KIAA1549L: variants seen among roughly 807,000 people sequenced by gnomAD.
KIAA1549L encodes the protein UPF0606 protein KIAA1549L.
A neutral mutation model predicts 160.7 loss-of-function variants in KIAA1549L; 88 were observed. That is an observed-to-expected ratio of 0.55 (90% CI 0.46 to 0.65). The LOEUF is 0.65. Ranked by LOEUF, KIAA1549L falls within the 30% of genes least tolerant of loss-of-function variation. The pLI, the probability that KIAA1549L is intolerant of heterozygous loss-of-function variation, is 0.00. For missense variants in KIAA1549L, 2,258 were observed against 2,437.5 expected (o/e 0.93, Z 1.55); for synonymous variants, 950 against 976.7 (o/e 0.97, Z 0.51).
At chr11:33,564,281 C>T (rs186350326) in intron 8 of KIAA1549L, among the ~76,000 whole-genome samples, 1 of 152,338 alleles carries the variant, frequency 6.6e-6, no homozygotes, top group Admixed American at 6.5e-5. Flanking sequence ...TCAGCCTTTA[C>T]TCCCAGACAT....
At chr11:33,422,129 C>G (rs1851024958) in intron 1 of KIAA1549L, among the ~76,000 whole-genome samples, 2 of 152,112 alleles carry the variant, frequency 1.3e-5, no homozygotes, top group South Asian at 2.1e-4. Flanking sequence ...CTCCATGCCC[C>G]TTTACTACTG....
intron 17 of KIAA1549L, among the ~76,000 whole-genome samples, chr11:33,651,699 A>G (rs539386777): frequency 1.1e-4 from 17 of 152,114 alleles, no homozygotes; most frequent in Non-Finnish European, 2.4e-4. Flanking sequence ...GTAAATGCAC[A>G]TGCACAGAAG....
chr11:33,646,834 T>A (rs764822113), intron 17 of KIAA1549L, among the ~76,000 whole-genome samples: 1 of 152,074 alleles, frequency 6.6e-6, no homozygotes, highest in African/African-American at 2.4e-5. Context: ...TTTGCCTCCC[T>A]GAACACAGTT....
intron 1 of KIAA1549L, among the ~76,000 whole-genome samples, chr11:33,476,839 C>T (rs75954793): frequency 0.029 from 4,434 of 152,338 alleles, 124 homozygotes; most frequent in South Asian, 0.09. Flanking sequence ...TGCTTTTTCA[C>T]AAAACCTATT....
Position 33,557,350 on chromosome 11 carries a change from GT to G in KIAA1549L, c.3856-2386del, listed in dbSNP as rs879544088. On this transcript the variant is annotated intron_variant, in intron 6 of 20. Transcript: ENST00000658780. Reference sequence around the variant, plus strand: ...TCACAATAGAGATAAAGATTGAAAAGTTTTTTTTTTTTTAGTTATTATTTTT... The same window carrying G: ...TCACAATAGAGATAAAGATTGAAAAGTTTTTTTTTTTTAGTTATTATTTTT... Among the ~76,000 whole-genome samples, 57 of 144,820 alleles carry G rather than the reference GT, an allele frequency of 3.9e-4. No homozygotes were observed. In the Middle Eastern group the frequency reaches 0.011, roughly 27 times the overall value.
At chr11:33,648,145 C>T (rs1851778929) in intron 17 of KIAA1549L, among the ~76,000 whole-genome samples, 1 of 150,502 alleles carries the variant, frequency 6.6e-6, no homozygotes, top group Admixed American at 6.6e-5. Context: ...CAGGCGCATA[C>T]CACCACACCC....
chr11:33,421,491 C>G (rs1851010917), intron 1 of KIAA1549L, among the ~76,000 whole-genome samples: 1 of 152,246 alleles, frequency 6.6e-6, no homozygotes, highest in Non-Finnish European at 1.5e-5. Context: ...TCAGAACTTA[C>G]AGATGCGGAC....
intron 1 of KIAA1549L, among the ~76,000 whole-genome samples, chr11:33,409,570 G>T (rs948727661): frequency 2.0e-5 from 3 of 152,144 alleles, no homozygotes; most frequent in African/African-American, 7.2e-5. Context: ...CAAGTAAGAA[G>T]GTGACAGGAA....
chr11:33,423,602 T>C (rs1315769428), intron 1 of KIAA1549L, among the ~76,000 whole-genome samples: 2 of 152,146 alleles, frequency 1.3e-5, no homozygotes, highest in East Asian at 1.9e-4. Context: ...GACTGAAAAA[T>C]TAAAGTTGAA....
chr11:33,537,796 G>T (rs1205922923), intron 1 of KIAA1549L, among the ~76,000 whole-genome samples: 1 of 152,132 alleles, frequency 6.6e-6, no homozygotes, highest in Non-Finnish European at 1.5e-5. Context: ...ATACCCCAGG[G>T]TCAGTGACAG....
At position 33,658,825 on chromosome 11, in the gene KIAA1549L, C is replaced by T. The variant is rs12280103; in HGVS notation, c.5934C>T (p.Ser1978=). ...CCGAGCCGGCCCAGCTGCACGACAG[C>T]GCCTCCTTCACGCAGATGTCCAGAG... is the stretch of plus-strand genomic sequence containing the variant. The part of the protein sequence containing the change: ...TGPEPAQLHD[S]ASFTQMSRGP... The change falls in exon 19 of 21, where the codon AGC becomes AGT. Residue 1978 remains serine (S), a synonymous_variant. Transcript: ENST00000658780. 0.28 allele frequency: 436,909 copies of T among 1,564,200 alleles called. 61,944 individuals carry two copies. Among genetic ancestry groups the T allele is most frequent in the South Asian group, 0.35 (29,742 of 84,574 alleles).
Position 33,551,127 on chromosome 11 carries a change from G to A in KIAA1549L, c.3589G>A (p.Glu1197Lys), listed in dbSNP as rs767196246. The A allele has an allele frequency of 7.4e-6, 12 of 1,613,832 alleles. No homozygotes were observed. Among genetic ancestry groups the A allele is most frequent in the African/African-American group, 1.3e-5 (1 of 74,908 alleles). Reference sequence around the variant, plus strand: ...GGTGTATTTGCCTGCTGTGGTGATCGAAATGCTGGGTGTGTATGGAGTCAG... The same window carrying A: ...GGTGTATTTGCCTGCTGTGGTGATCAAAATGCTGGGTGTGTATGGAGTCAG... ...KLVYLPAVVI[E>K]MLGVYGVSNV... Residue 1197 changes from glutamate (E) to lysine (K), a missense_variant, in exon 5 of 21, where the codon GAA becomes AAA. Transcript: ENST00000658780.
chr11:33,609,971 A>G lies in KIAA1549L; in HGVS notation c.5279+5A>G, dbSNP rs752626455. On this transcript the variant is annotated splice_donor_5th_base_variant and intron_variant, in intron 15 of 20. Transcript: ENST00000658780. ...ATTCACCGAGTCTAAAAACAGGTGCAGTCTCTAAGGGATTCTGTAAAGGGT... is the reference window on the plus strand; with the variant it reads ...ATTCACCGAGTCTAAAAACAGGTGCGGTCTCTAAGGGATTCTGTAAAGGGT... 3 of 1,610,908 alleles carry G rather than the reference A, an allele frequency of 1.9e-6. No individual in the cohort carries two copies. The highest frequency in any genetic ancestry group is 2.2e-5 in the East Asian group (1 of 44,854).
At chr11:33,601,830 A>G (rs1393801691) in intron 13 of KIAA1549L, among the ~76,000 whole-genome samples, 1 of 152,228 alleles carries the variant, frequency 6.6e-6, no homozygotes, top group African/African-American at 2.4e-5. Flanking sequence ...TGGCTGGCAT[A>G]GGTCCTTATA....
At chr11:33,479,539 A>G (rs1265094772) in intron 1 of KIAA1549L, among the ~76,000 whole-genome samples, 1 of 152,210 alleles carries the variant, frequency 6.6e-6, no homozygotes, top group Non-Finnish European at 1.5e-5. Context: ...GAGAAAGGGG[A>G]AGAAGTGCCA....
At chr11:33,407,689 C>G (rs1409904760) in intron 1 of KIAA1549L, among the ~76,000 whole-genome samples, 1 of 152,148 alleles carries the variant, frequency 6.6e-6, no homozygotes, top group Non-Finnish European at 1.5e-5. Context: ...CCTGAACTCA[C>G]CATTCACAAG....
intron 6 of KIAA1549L, among the ~76,000 whole-genome samples, chr11:33,554,390 C>G (rs2133204894): frequency 6.6e-6 from 1 of 152,298 alleles, no homozygotes; most frequent in South Asian, 2.1e-4. Context: ...AGAATCTAAG[C>G]TGATGAAGCT....
chr11:33,398,441 T>C (rs1850430892), intron 1 of KIAA1549L, among the ~76,000 whole-genome samples: 1 of 152,122 alleles, frequency 6.6e-6, no homozygotes, highest in South Asian at 2.1e-4. Context: ...GATCAGTGGA[T>C]CTATCCCATA....
At chr11:33,614,543 TATATATATATATATATATATATATATATA>T (rs1850732781) in intron 15 of KIAA1549L, among the ~76,000 whole-genome samples, 1 of 6,990 alleles carries the variant, frequency 1.4e-4, no homozygotes. Context: ...TATATATATA[TATATATATATATATATATATATATATATA>T]TATATATATA....
Sources: gnomAD v4.1 joint callset for allele counts (sites outside exome capture counted in the v4.1 genomes callset) on GRCh38, gnomAD v4.1.1 for gene constraint, MANE v1.5 for transcripts, NCBI Gene and HGNC (gene_info 2026-07-23, HGNC 2026-07-21) for gene names.